The following APBA3 variants were observed in gnomAD, a reference collection of about 807,000 sequenced individuals.
The protein encoded by APBA3 is amyloid beta precursor protein binding family A member 3, also known as amyloid-beta A4 precursor protein-binding family A member 3.
Under a neutral mutation model 55.9 loss-of-function variants are expected in APBA3, and 45 were observed. The observed-to-expected ratio is 0.80, with a 90% CI of 0.63 to 1.03. APBA3 has a LOEUF of 1.03. Among genes scored for constraint, APBA3 ranks in the 50% least tolerant of loss-of-function variants. APBA3 has a pLI of 0.00. For missense variants in APBA3, 865 were observed against 820.3 expected (o/e 1.05, Z -0.67); for synonymous variants, 370 against 353.3 (o/e 1.05, Z -0.53).
At chr19:3,756,590 G>A (rs2037081818) in intron 3 of APBA3, 1 of 152,152 alleles carries the variant, frequency 6.6e-6, no homozygotes, top group African/African-American at 2.4e-5. Context: ...AGGTATGGTG[G>A]CGTATGCCTA....
intron 5 of APBA3, 32 bp from the exon 6 acceptor site, chr19:3,753,958 G>A: frequency 6.4e-7 from 1 of 1,562,730 alleles, no homozygotes; most frequent in Non-Finnish European, 8.7e-7. Context: ...GGGTGGGTTG[G>A]GGGGCCGTGC....
At chr19:3,758,487 C>T (rs576403885) in intron 3 of APBA3, among the ~76,000 whole-genome samples, 4 of 151,824 alleles carry the variant, frequency 2.6e-5, no homozygotes, top group African/African-American at 4.8e-5. Flanking sequence ...CTCCAACTCC[C>T]GGCTCAAGCG....
At chr19:3,751,650 A>G in intron 8 of APBA3, 97 bp from the exon 9 acceptor site, 1 of 1,377,694 alleles carries the variant, frequency 7.3e-7, no homozygotes, top group Non-Finnish European at 9.7e-7. Context: ...TAAACCAGAG[A>G]CCTGGAGTCC....
At position 3,752,979 on chromosome 19, in the gene APBA3, G is replaced by C. The variant is rs140376888; in HGVS notation, c.1023C>G (p.Ile341Met). Reference protein sequence around the residue: ...HVFYAEDAQLIAQAIGQAFAA... With the variant: ...HVFYAEDAQLMAQAIGQAFAA... Reference sequence around the variant, plus strand: ...CGAAGGCCTGGCCAATGGCCTGGGCGATGAGCTGGGCCTGCGGGGAGGAGT... The same window carrying C: ...CGAAGGCCTGGCCAATGGCCTGGGCCATGAGCTGGGCCTGCGGGGAGGAGT... The change falls in exon 7 of 11, where the codon ATC (isoleucine) becomes ATG (methionine). Residue 341 changes from isoleucine (I) to methionine (M), a missense_variant. By Grantham distance (10) the Ile-to-Met change is conservative (BLOSUM62 1). Coordinates refer to ENST00000316757, the MANE Select transcript of APBA3 (RefSeq NM_004886.4). 2 of 1,611,950 alleles carry C rather than the reference G, an allele frequency of 1.2e-6. No individual in the cohort carries two copies. Among genetic ancestry groups the C allele is most frequent in the African/African-American group, 1.3e-5 (1 of 75,066 alleles).
intron 3 of APBA3, chr19:3,756,530 T>G (rs2037081515): frequency 6.6e-6 from 1 of 152,152 alleles, no homozygotes; most frequent in Non-Finnish European, 1.5e-5. Context: ...GAAATAATAT[T>G]TTAAATATGT....
chr19:3,751,407 C>T (rs1003551358), intron 9 of APBA3, 27 bp downstream of exon 9: 1 of 1,516,498 alleles, frequency 6.6e-7, no homozygotes, highest in Admixed American at 2.1e-5. Context: ...TACCCCCCCA[C>T]CCCGGGGCCA....
In APBA3 at chr19:3,759,752, G is replaced by A. The variant is rs1445881986; in HGVS notation, c.513C>T (p.Ser171=). The A allele has an allele frequency of 1.2e-6, 2 of 1,612,636 alleles. No individual in the cohort carries two copies. The highest frequency in any genetic ancestry group is 8.5e-7 in the Non-Finnish European group (1 of 1,179,820). ...EQEGSRSSSS[S]PEPWLETVPL... ...GCACCGTCTCCAGCCAGGGTTCCGG[G>A]GAACTGCTTGAGCTCCTGCTGCCCT... Residue 171 remains serine (S), a synonymous_variant, in exon 2 of 11, where the codon TCC becomes TCT. Transcript: ENST00000316757.
rs954995342 is a variant in APBA3, at chr19:3,751,611, C to G, written c.1396-58G>C. On this transcript the variant is annotated intron_variant, in intron 8 of 10. Transcript: ENST00000316757. ...TGCCGGACAGCCTGGCAGGTTGTAG[C>G]CCCCTCTGGGCCTCAGTTTACCCTC... 11 of 1,524,570 alleles carry G rather than the reference C, an allele frequency of 7.2e-6. No individual in the cohort carries two copies. The African/African-American group carries it at 1.4e-4, about 19-fold the overall frequency. 94.4% of individuals were successfully genotyped at this position (1,524,570 alleles called of 1,614,324 possible). A position where few individuals can be genotyped will look rare whatever the true frequency, so the allele number is the denominator to read the frequency against.
intron 3 of APBA3, chr19:3,756,444 A>G (rs1267532997): frequency 6.6e-6 from 1 of 152,238 alleles, no homozygotes. Flanking sequence ...GCGCCATTGC[A>G]CTCCAGCCTG....
At chr19:3,754,168 C>A in intron 4 of APBA3, 27 bp downstream of exon 4, 1 of 1,543,430 alleles carries the variant, frequency 6.5e-7, no homozygotes, top group African/African-American at 1.4e-5. Context: ...CACCCGCCTG[C>A]CCGCCCGGCC....
intron 6 of APBA3, chr19:3,753,206 G>C (rs1253624369): frequency 3.3e-6 from 2 of 607,938 alleles, no homozygotes; most frequent in Admixed American, 3.0e-5. Context: ...CCCTGGGCTG[G>C]GGGGACGATG....
At chr19:3,760,746 C>A (rs1236852695) in intron 1 of APBA3, among the ~76,000 whole-genome samples, 97 of 116,764 alleles carry the variant, frequency 8.3e-4, no homozygotes, top group South Asian at 1.2e-3. Flanking sequence ...AGACTATCTC[C>A]AAAAAAAAAA....
chr19:3,751,758 T>C (rs1487508699), intron 8 of APBA3: 1 of 603,700 alleles, frequency 1.7e-6, no homozygotes, highest in African/African-American at 1.9e-5. Context: ...GCCATATCGC[T>C]TCCTTATGGC....
intron 3 of APBA3, chr19:3,756,436 G>C (rs867127563): frequency 2.0e-5 from 3 of 152,140 alleles, no homozygotes; most frequent in Admixed American, 2.0e-4. Flanking sequence ...CCAAGATTGC[G>C]CCATTGCACT....
chr19:3,757,326 C>T (rs561072639), intron 3 of APBA3, among the ~76,000 whole-genome samples: 22 of 152,092 alleles, frequency 1.4e-4, no homozygotes, highest in South Asian at 2.1e-4. Context: ...AGGCTGGTCT[C>T]GAACTCCTGG....
intron 1 of APBA3, among the ~76,000 whole-genome samples, chr19:3,760,515 C>T (rs1048542416): frequency 6.2e-5 from 9 of 145,392 alleles, no homozygotes; most frequent in African/African-American, 2.0e-4. Flanking sequence ...TTTGTGAGGC[C>T]GAGGCGGGCA....
intron 1 of APBA3, among the ~76,000 whole-genome samples, 163 bp from the exon 2 acceptor site, chr19:3,760,464 T>G (rs987729688): frequency 1.3e-5 from 2 of 152,032 alleles, no homozygotes; most frequent in African/African-American, 2.4e-5. Context: ...TACAAAAAAT[T>G]AAGGCCGGGC....
Position 3,754,185 on chromosome 19 carries a change from G to GC in APBA3, c.762+9dup. Reference sequence around the variant, plus strand: ...CCCGCCTGCCCGCCCGGCCCCGGCCGCCCCCTCACCTTGACGCGGTCCATG... The same window carrying GC: ...CCCGCCTGCCCGCCCGGCCCCGGCCGCCCCCCTCACCTTGACGCGGTCCATG... On this transcript the variant is annotated intron_variant, in intron 4 of 10. Transcript: ENST00000316757. The GC allele has an allele frequency of 6.5e-7, 1 of 1,541,424 alleles. No individual in the cohort carries two copies. The highest frequency in any genetic ancestry group is 2.5e-5 in the East Asian group (1 of 40,774).
At chr19:3,751,167 C>T (rs1033595907) in intron 10 of APBA3, 22 bp downstream of exon 10, 23 of 1,552,820 alleles carry the variant, frequency 1.5e-5, no homozygotes, top group Non-Finnish European at 2.0e-5. Context: ...GCGCCCCTGG[C>T]CACCACCCAC....
Sources: gnomAD v4.1 joint callset for allele counts (sites outside exome capture counted in the v4.1 genomes callset) on GRCh38, gnomAD v4.1.1 for gene constraint, MANE v1.5 for transcripts, NCBI Gene and HGNC (gene_info 2026-07-23, HGNC 2026-07-21) for gene names.